Variants in MCMDC2 observed in about 807,000 individuals in gnomAD.
The protein encoded by MCMDC2 is minichromosome maintenance domain containing 2.
MCMDC2 carries 54 observed loss-of-function variants against 75.8 expected under a neutral mutation model. The observed-to-expected ratio is 0.71, with a 90% CI of 0.57 to 0.89. The LOEUF is 0.89. Among genes scored for constraint, MCMDC2 ranks in the 40% least tolerant of loss-of-function variants. The pLI is 0.00. For missense variants in MCMDC2, 656 were observed against 780.4 expected, an observed-to-expected ratio of 0.84 and a Z score of 1.90; for synonymous variants, 249 against 274.6, an observed-to-expected ratio of 0.91 and a Z score of 0.92.
intron 4 of MCMDC2, among the ~76,000 whole-genome samples, 181 bp downstream of exon 4, chr8:66,874,767 CT>C (rs755491510): frequency 3.4e-5 from 5 of 148,952 alleles, no homozygotes; most frequent in Non-Finnish European, 3.0e-5. Context: ...TTAAACACTT[CT>C]TTTTTTTTTG....
Position 66,896,768 on chromosome 8 carries a change from G to A in MCMDC2, c.1447-12G>A. 6.4e-7 allele frequency: 1 copy of A among 1,564,274 alleles called. No homozygotes were observed. The highest frequency in any genetic ancestry group is 8.6e-7 in the Non-Finnish European group (1 of 1,157,850). ...GTTTAATGTTTGCCTGTTACCTTTT[G>A]GTTTGATGTAGGATTGCAGTTTGAT... is the stretch of plus-strand genomic sequence containing the variant. On this transcript the variant is annotated splice_polypyrimidine_tract_variant and intron_variant, in intron 11 of 14. Transcript: ENST00000422365.
At chr8:66,902,146 T>A (rs1194818885) in intron 13 of MCMDC2, among the ~76,000 whole-genome samples, 2 of 151,638 alleles carry the variant, frequency 1.3e-5, no homozygotes, top group Non-Finnish European at 2.9e-5. Context: ...CTGGGCAACA[T>A]AGTGAGACCT....
intron 9 of MCMDC2, among the ~76,000 whole-genome samples, chr8:66,886,203 T>C (rs1259827641): frequency 1.3e-5 from 2 of 151,228 alleles, no homozygotes; most frequent in Non-Finnish European, 2.9e-5. Context: ...TCACTCTTGT[T>C]GCCCGGGCTG....
intron 8 of MCMDC2, among the ~76,000 whole-genome samples, chr8:66,881,690 G>T (rs114387713): frequency 0.036 from 5,344 of 149,676 alleles, 97 homozygotes; most frequent in Admixed American, 0.047. Flanking sequence ...TCAAAAAAAA[G>T]AAAAAAAAAT....
rs749389571 is a variant in MCMDC2 at position 66,874,200 on chromosome 8, C to T, written c.60C>T (p.Leu20=). ...TCTATCTTGACAGAAGTGGAGGCCT[C>T]CAAAAGTTTATAGATGATTGCAAGT... ...ALIYLDRSGG[L]QKFIDDCKYY... is the part of the protein sequence containing the mutation. The change falls in exon 2 of 15, where the codon CTC becomes CTT. Residue 20 remains leucine, a synonymous_variant. Transcript: ENST00000422365. 6.2e-7 allele frequency: 1 copy of T among 1,611,322 alleles called. No homozygotes were observed. The highest frequency in any genetic ancestry group is 1.1e-5 in the South Asian group (1 of 90,050).
At chr8:66,874,689 CTTT>C (rs1157523761) in intron 4 of MCMDC2, 103 bp downstream of exon 4, 2 of 1,037,058 alleles carry the variant, frequency 1.9e-6, no homozygotes, top group Non-Finnish European at 2.8e-6. Context: ...AAGGATACTA[CTTT>C]TTTTCAAAAT....
downstream of MCMDC2, among the ~76,000 whole-genome samples, chr8:66,924,788 A>G (rs907931050): frequency 5.9e-5 from 9 of 152,164 alleles, no homozygotes; most frequent in Admixed American, 4.6e-4. Context: ...AGGGCCTCCT[A>G]TACTTGCACG....
At chr8:66,926,308 G>A (rs948955314), downstream of MCMDC2, 1 of 152,224 alleles carries the variant, frequency 6.6e-6, no homozygotes, top group South Asian at 2.1e-4. Flanking sequence ...TGATGCTGGA[G>A]CAGAAAGGCT....
intron 13 of MCMDC2, among the ~76,000 whole-genome samples, chr8:66,902,396 A>T (rs936624509): frequency 4.9e-5 from 7 of 141,432 alleles, no homozygotes; most frequent in East Asian, 2.0e-4. Flanking sequence ...TTCTCAATTT[A>T]AAAAAAAAAA....
At chr8:66,914,907 G>A (rs1813246272) in intron 14 of MCMDC2, among the ~76,000 whole-genome samples, 1 of 151,352 alleles carries the variant, frequency 6.6e-6, no homozygotes, top group Non-Finnish European at 1.5e-5. Context: ...GGGAGGAGAG[G>A]GGGTAATTAA....
intron 14 of MCMDC2, among the ~76,000 whole-genome samples, chr8:66,914,300 A>G (rs1026921642): frequency 6.6e-6 from 1 of 151,690 alleles, no homozygotes. Flanking sequence ...AAAAAAAAAA[A>G]AAAACTAAAG....
chr8:66,892,193 C>G (rs1812139909), intron 10 of MCMDC2, among the ~76,000 whole-genome samples: 2 of 152,206 alleles, frequency 1.3e-5, no homozygotes, highest in South Asian at 4.1e-4. Context: ...TATAGTGTTA[C>G]AGCTCTGACT....
chr8:66,885,595 GT>G (rs1226310054), intron 9 of MCMDC2, among the ~76,000 whole-genome samples: 4 of 151,938 alleles, frequency 2.6e-5, no homozygotes, highest in Admixed American at 1.3e-4. Context: ...ATTTGGGGCT[GT>G]GTGAGAGATT....
chr8:66,903,800 G>C (rs180978499), intron 13 of MCMDC2, among the ~76,000 whole-genome samples: 1 of 152,056 alleles, frequency 6.6e-6, no homozygotes. Context: ...ATTCTGTCCC[G>C]GTCAACATTT....
At chr8:66,918,843 G>C (rs549810178) in intron 14 of MCMDC2, among the ~76,000 whole-genome samples, 160 bp from the exon 15 acceptor site, 1 of 152,098 alleles carries the variant, frequency 6.6e-6, no homozygotes, top group Non-Finnish European at 1.5e-5. Flanking sequence ...CTACTGAATA[G>C]GTCAGAACTT....
intron 14 of MCMDC2, among the ~76,000 whole-genome samples, chr8:66,907,006 G>C (rs929676289): frequency 1.2e-4 from 19 of 152,120 alleles, no homozygotes; most frequent in African/African-American, 4.6e-4. Flanking sequence ...GACCTCAGGT[G>C]ATCTGCCTGA....
At chr8:66,871,253 C>T (rs899438132) in intron 1 of MCMDC2, among the ~76,000 whole-genome samples, 7 of 152,126 alleles carry the variant, frequency 4.6e-5, no homozygotes, top group African/African-American at 1.7e-4. Context: ...TTTATGGCCC[C>T]CTCCTGCTTA....
chr8:66,895,076 T>C (rs545474864), intron 10 of MCMDC2, among the ~76,000 whole-genome samples: 3 of 152,228 alleles, frequency 2.0e-5, no homozygotes, highest in Non-Finnish European at 4.4e-5. Flanking sequence ...AAGTCCCTTA[T>C]ATAAAATGGC....
intron 14 of MCMDC2, among the ~76,000 whole-genome samples, chr8:66,908,895 G>A (rs1813002765): frequency 6.6e-6 from 1 of 152,190 alleles, no homozygotes; most frequent in Admixed American, 6.5e-5. Flanking sequence ...TTGCAGGTGT[G>A]AGCTACCACG....
Sources: gnomAD v4.1 joint callset for allele counts (sites outside exome capture counted in the v4.1 genomes callset) on GRCh38, gnomAD v4.1.1 for gene constraint, MANE v1.5 for transcripts, NCBI Gene and HGNC (gene_info 2026-07-23, HGNC 2026-07-21) for gene names.